PCDHGB2: variants seen among roughly 807,000 people sequenced by gnomAD.
PCDHGB2 encodes protocadherin gamma-B2.
In PCDHGB2, 55 loss-of-function variants were observed where a neutral mutation model predicts 59.3. The observed-to-expected ratio is 0.93, with a 90% confidence interval of 0.75 to 1.16. PCDHGB2 has a LOEUF of 1.16. Ranked by LOEUF, PCDHGB2 falls within the 50% of genes most tolerant of loss-of-function variation. The probability of loss-of-function intolerance (pLI) is 0.00; values close to 1 mark genes in which losing one functional copy is unlikely to be tolerated. For synonymous variants in PCDHGB2, 516 were observed against 512.0 expected (o/e 1.01, Z -0.11); for missense variants, 1,228 against 1,198.5 (o/e 1.02, Z -0.36).
Position 141,474,403 on chromosome 5 carries a change from C to T in PCDHGB2, c.2422-20404C>T, listed in dbSNP as rs553745731. ...ATTTCTGCATTTCTAACAAGCTCCC[C>T]GGTGATGCCTAGACCATTGGTCCTC... is the stretch of plus-strand genomic sequence containing the variant. On this transcript the variant is annotated intron_variant, in intron 1 of 3. Coordinates refer to ENST00000522605, the MANE Select transcript of PCDHGB2 (RefSeq NM_018923.3). Among the ~76,000 whole-genome samples, 121 of 152,282 alleles carry T rather than the reference C, an allele frequency of 7.9e-4. 1 individual carries two copies. Among genetic ancestry groups the T allele is most frequent in the Admixed American group, 3.9e-3 (59 of 15,292 alleles).
At position 141,487,700 on chromosome 5, in the gene PCDHGB2, C is replaced by A; in HGVS notation, c.2422-7107C>A. On this transcript the variant is annotated intron_variant, in intron 1 of 3. Coordinates refer to ENST00000522605, the MANE Select transcript of PCDHGB2 (RefSeq NM_018923.3). This position sits in a 1 kb window ranked among gnomAD's most constrained non-coding sequence, Gnocchi z 5.0. ...AGGCCATGTCCTAGAGAGTACTGGCCTCTCAGTAAGTGCCCATAGTGATGT... is the reference window on the plus strand; with the variant it reads ...AGGCCATGTCCTAGAGAGTACTGGCATCTCAGTAAGTGCCCATAGTGATGT... The A allele has an allele frequency of 6.3e-7, 1 of 1,597,514 alleles. No homozygotes were observed. Among genetic ancestry groups the A allele is most frequent in the African/African-American group, 1.3e-5 (1 of 74,868 alleles).
intron 1 of PCDHGB2, chr5:141,398,380 C>G: frequency 6.9e-7 from 1 of 1,455,908 alleles, no homozygotes; most frequent in South Asian, 1.2e-5. Flanking sequence ...CGGGGAGTTG[C>G]TTGTGAGCAG....
At chr5:141,400,227 C>T in intron 1 of PCDHGB2, 1 of 1,614,052 alleles carries the variant, frequency 6.2e-7, no homozygotes, top group Middle Eastern at 1.6e-4. Flanking sequence ...TGCTCTTCCT[C>T]CTGGCCGTGA....
At chr5:141,430,551 C>T (rs2097292247) in intron 1 of PCDHGB2, 2 of 406,412 alleles carry the variant, frequency 4.9e-6, no homozygotes, top group Admixed American at 4.1e-5. Context: ...CCGCTGTTCA[C>T]CAATCGGGGA....
chr5:141,448,099 T>C (rs1002430560), intron 1 of PCDHGB2, among the ~76,000 whole-genome samples: 1 of 151,272 alleles, frequency 6.6e-6, no homozygotes, highest in African/African-American at 2.4e-5. Context: ...AAAAAAAAAA[T>C]TAAAAGAAAA....
chr5:141,474,628 A>C (rs1169097645), intron 1 of PCDHGB2, among the ~76,000 whole-genome samples: 1 of 152,234 alleles, frequency 6.6e-6, no homozygotes, highest in Non-Finnish European at 1.5e-5. Flanking sequence ...TCTCTTCCGG[A>C]AATATCCTAT....
chr5:141,437,651 CAT>C (rs1255783396), intron 1 of PCDHGB2, among the ~76,000 whole-genome samples: 2 of 151,990 alleles, frequency 1.3e-5, no homozygotes, highest in Non-Finnish European at 2.9e-5. Context: ...AAAGCAAACA[CAT>C]AGTTTCGAAG....
Position 141,410,521 on chromosome 5 carries a change from A to G in PCDHGB2, c.2421+47965A>G, listed in dbSNP as rs201505796. ...ATTTCCTAAAATGCAGTGTGCCCCT[A>G]CATTCCAATGAAGACATGGTTTGCA... is the stretch of plus-strand genomic sequence containing the variant. On this transcript the variant is annotated intron_variant, in intron 1 of 3. Coordinates refer to ENST00000522605, the MANE Select transcript of PCDHGB2 (RefSeq NM_018923.3). 1,940 of 1,613,966 alleles carry G rather than the reference A, an allele frequency of 1.2e-3. 3 individuals are homozygous for G. Among genetic ancestry groups the G allele is most frequent in the Non-Finnish European group, 1.5e-3 (1,760 of 1,179,896 alleles).
chr5:141,439,889 C>T (rs997306014), intron 1 of PCDHGB2: 1 of 152,348 alleles, frequency 6.6e-6, no homozygotes, highest in Admixed American at 6.5e-5. Context: ...CTGGGTAGAA[C>T]CAAGGCGACT....
intron 1 of PCDHGB2, among the ~76,000 whole-genome samples, chr5:141,447,276 A>G (rs2098532917): frequency 6.6e-6 from 1 of 151,994 alleles, no homozygotes; most frequent in South Asian, 2.1e-4. Flanking sequence ...AGTAGCTGGG[A>G]CTACAGGCAC....
intron 1 of PCDHGB2, chr5:141,366,664 G>C: frequency 6.2e-7 from 1 of 1,614,236 alleles, no homozygotes; most frequent in Non-Finnish European, 8.5e-7. Context: ...ACGCAGACAC[G>C]CTCCTTAGTG....
chr5:141,494,601 A>T (rs1396717178), intron 1 of PCDHGB2, among the ~76,000 whole-genome samples: 1 of 151,892 alleles, frequency 6.6e-6, no homozygotes, highest in East Asian at 1.9e-4. Context: ...ATGAAATGTG[A>T]TTTATCTCTT....
Position 141,489,111 on chromosome 5 carries a change from C to T in PCDHGB2, c.2422-5696C>T. The T allele has an allele frequency of 1.9e-6, 1 of 518,040 alleles. No individual in the cohort carries two copies. Among genetic ancestry groups the T allele is most frequent in the African/African-American group, 1.9e-5 (1 of 51,336 alleles). The allele number at this position is 518,040 out of a possible 1,614,324, so 32.1% of individuals were successfully genotyped here. ...GTGACTAAGAACTGCTGCAAGCAGG[C>T]AAACCTCCGAGCAGTTTTTAAGAGG... On this transcript the variant is annotated intron_variant, in intron 1 of 3. Transcript: ENST00000522605. This position sits in a 1 kb window ranked among gnomAD's most constrained non-coding sequence, Gnocchi z 4.5.
intron 1 of PCDHGB2, chr5:141,377,314 A>G (rs890147019): frequency 5.3e-5 from 8 of 152,110 alleles, no homozygotes; most frequent in African/African-American, 1.9e-4. Flanking sequence ...AAAGATCAAG[A>G]TCTTGGTTTT....
chr5:141,361,155 C>G lies in PCDHGB2; in HGVS notation c.1020C>G (p.Asp340Glu), dbSNP rs760085788. ...HCSIQVEILD[D>E]NDCAPEVIVT... ...GTATCCAAGTTGAAATTCTTGATGA[C>G]AACGATTGTGCACCTGAAGTTATTG... Residue 340 changes from aspartate to glutamate, a missense_variant, in exon 1 of 4, where the codon GAC becomes GAG. Asp to Glu is a conservative substitution (Grantham distance 45). Around this residue, in one of 3 missense-constraint regions of PCDHGB2, gnomAD observed 781 missense variants for 721.6 expected, o/e 1.08. Coordinates refer to ENST00000522605, the MANE Select transcript of PCDHGB2 (RefSeq NM_018923.3). 2 of 1,613,954 alleles carry G rather than the reference C, an allele frequency of 1.2e-6. No individual in the cohort carries two copies. Among genetic ancestry groups the G allele is most frequent in the East Asian group, 4.5e-5 (2 of 44,880 alleles).
At chr5:141,500,568 T>C (rs1562196424) in intron 2 of PCDHGB2, among the ~76,000 whole-genome samples, 2 of 152,190 alleles carry the variant, frequency 1.3e-5, no homozygotes, top group Admixed American at 6.5e-5. Context: ...CTTGTCACAC[T>C]TTCATGTGAC....
At position 141,477,961 on chromosome 5, in the gene PCDHGB2, C is replaced by T. The variant is rs199947431; in HGVS notation, c.2422-16846C>T. 21 of 1,614,048 alleles carry T rather than the reference C, an allele frequency of 1.3e-5. No homozygotes were observed. The Admixed American group carries it at 1.5e-4, about 12-fold the overall frequency. On this transcript the variant is annotated intron_variant, in intron 1 of 3. Coordinates refer to ENST00000522605, the MANE Select transcript of PCDHGB2 (RefSeq NM_018923.3). The surrounding 1 kb of genome is among the most constrained non-coding windows in gnomAD (Gnocchi z 4.9). Reference sequence around the variant, plus strand: ...CCTACAGTCTCTTGGGATCCCCTAACCAGAGCCTTTTTGCCATAGGGCTGC... The same window carrying T: ...CCTACAGTCTCTTGGGATCCCCTAATCAGAGCCTTTTTGCCATAGGGCTGC...
chr5:141,473,374 G>A (rs1437989884), intron 1 of PCDHGB2, among the ~76,000 whole-genome samples: 1 of 152,204 alleles, frequency 6.6e-6, no homozygotes, highest in African/African-American at 2.4e-5. Context: ...AAATAGCATG[G>A]TCCCTGCCCT....
rs1407225048 is a variant in PCDHGB2 at position 141,489,600 on chromosome 5, G to T, written c.2422-5207G>T. On this transcript the variant is annotated intron_variant, in intron 1 of 3. Coordinates refer to ENST00000522605, the MANE Select transcript of PCDHGB2 (RefSeq NM_018923.3). The surrounding 1 kb of genome is among the most constrained non-coding windows in gnomAD (Gnocchi z 4.5). ...ACCCCCTGGAGCTAATCCGTGTAGA[G>T]GTAGAGATCCTGGATCTCAATGACA... The T allele has an allele frequency of 7.4e-6, 12 of 1,613,916 alleles. 1 individual carries two copies. In the South Asian group the frequency reaches 1.2e-4, roughly 16 times the overall value.
Sources: gnomAD v4.1 joint callset for allele counts (sites outside exome capture counted in the v4.1 genomes callset) on GRCh38, gnomAD v4.1.1 for gene constraint, gnomAD v4.1.1 regional missense constraint, Gnocchi (gnomAD v3.1) non-coding constraint, MANE v1.5 for transcripts, NCBI Gene and HGNC (gene_info 2026-07-23, HGNC 2026-07-21) for gene names.